The following AP1S3 variants were observed in gnomAD, a reference collection of about 807,000 sequenced individuals.
AP1S3 encodes the protein adaptor related protein complex 1 subunit sigma 3.
In AP1S3, 10 loss-of-function variants were observed where a neutral mutation model predicts 20.9. The ratio of observed to expected loss-of-function variants is 0.48; its 90% CI spans 0.29 to 0.81. The LOEUF (loss-of-function observed/expected upper bound fraction) is 0.81, where lower values mean the gene tolerates loss of function less well. AP1S3 is among the 30% of genes least tolerant of loss of function. The probability of loss-of-function intolerance (pLI) is 0.08; values close to 1 mark genes in which losing one functional copy is unlikely to be tolerated. For missense variants in AP1S3, 154 were observed against 183.8 expected, an observed-to-expected ratio of 0.84 and a Z score of 0.94; for synonymous variants, 41 against 61.5, an observed-to-expected ratio of 0.67 and a Z score of 1.56.
At chr2:223,765,658 C>T (rs1485502675) in intron 3 of AP1S3, among the ~76,000 whole-genome samples, 1 of 152,172 alleles carries the variant, frequency 6.6e-6, no homozygotes, top group Non-Finnish European at 1.5e-5. Context: ...AAACTGAGCC[C>T]CAGCTGCATT....
chr2:223,769,041 G>T (rs1690547867), intron 3 of AP1S3, among the ~76,000 whole-genome samples: 1 of 152,132 alleles, frequency 6.6e-6, no homozygotes, highest in African/African-American at 2.4e-5. Flanking sequence ...CAAGGAACAT[G>T]GTTTAAGTCA....
chr2:223,819,399 CTGTT>C (rs1037520237), intron 1 of AP1S3, among the ~76,000 whole-genome samples: 22 of 152,188 alleles, frequency 1.4e-4, no homozygotes, highest in South Asian at 4.1e-4. Context: ...AAAGCACACT[CTGTT>C]TGCTCACTTC....
chr2:223,832,129 TTC>T (rs67077486), intron 1 of AP1S3, among the ~76,000 whole-genome samples: 2,655 of 60,274 alleles, frequency 0.044, 137 homozygotes, highest in East Asian at 0.14. Context: ...TAAAGGAGTT[TTC>T]TCTCTGTGTG....
intron 1 of AP1S3, among the ~76,000 whole-genome samples, chr2:223,781,414 T>C (rs553419428): frequency 5.3e-5 from 8 of 152,118 alleles, no homozygotes; most frequent in African/African-American, 1.4e-4. Flanking sequence ...TTTTAGTATC[T>C]GTTTCACTAT....
intron 1 of AP1S3, among the ~76,000 whole-genome samples, chr2:223,819,231 ATT>A (rs759791141): frequency 3.9e-5 from 6 of 152,180 alleles, no homozygotes; most frequent in Non-Finnish European, 8.8e-5. Context: ...GTGCAGAGAG[ATT>A]TAACATCTTT....
intron 1 of AP1S3, among the ~76,000 whole-genome samples, chr2:223,804,021 T>C (rs781337299): frequency 3.3e-5 from 5 of 152,144 alleles, no homozygotes; most frequent in African/African-American, 1.2e-4. Context: ...TTAAGTAGAA[T>C]GTTGAATTAT....
At chr2:223,795,270 A>T (rs779808060) in intron 1 of AP1S3, among the ~76,000 whole-genome samples, 6 of 152,312 alleles carry the variant, frequency 3.9e-5, no homozygotes, top group Non-Finnish European at 7.4e-5. Context: ...AAAAAATTTT[A>T]AAAATTTATA....
intron 3 of AP1S3, among the ~76,000 whole-genome samples, chr2:223,774,821 G>A (rs538606835): frequency 9.5e-4 from 145 of 152,260 alleles, no homozygotes; most frequent in African/African-American, 3.1e-3. Flanking sequence ...AAGACAGAAC[G>A]GATTTTCAGT....
At chr2:223,760,446 C>G (rs1463708275) in intron 4 of AP1S3, among the ~76,000 whole-genome samples, 2 of 152,236 alleles carry the variant, frequency 1.3e-5, no homozygotes, top group Non-Finnish European at 2.9e-5. Flanking sequence ...TTCACCAACT[C>G]TATCTAGAAT....
chr2:223,767,933 C>T (rs1444011547), intron 3 of AP1S3, among the ~76,000 whole-genome samples: 1 of 152,132 alleles, frequency 6.6e-6, no homozygotes, highest in Non-Finnish European at 1.5e-5. Context: ...AGTCCCTACC[C>T]TTCCTGTCTT....
Position 223,764,352 on chromosome 2 carries a change from C to A in AP1S3, c.429+861G>T, listed in dbSNP as rs556941731. 1.8e-4 allele frequency among the ~76,000 whole-genome samples: 28 copies of A among 152,170 alleles called. No individual in the cohort carries two copies. In the East Asian group the frequency reaches 5.0e-3, roughly 27 times the overall value. ...AGGGGTGGCAGGTCTGGGATGGAACCCAGCCCCTCAGAGCATCTCATTTGG... is the reference window on the plus strand; with the variant it reads ...AGGGGTGGCAGGTCTGGGATGGAACACAGCCCCTCAGAGCATCTCATTTGG... On this transcript the variant is annotated intron_variant, in intron 4 of 4. Transcript: ENST00000396654.
rs550133314 is a variant in AP1S3 at position 223,811,295 on chromosome 2, C to T, written c.3+26153G>A. Among the ~76,000 whole-genome samples, 364 of 152,088 alleles carry T rather than the reference C, an allele frequency of 2.4e-3. 3 individuals carry two copies. Among genetic ancestry groups the T allele is most frequent in the African/African-American group, 7.6e-3 (314 of 41,514 alleles). ...TTTTAGTGAAATATCTGGCCAGGCA[C>T]GGTGGCTCATGCCTGTAATCCCAAC... On this transcript the variant is annotated intron_variant, in intron 1 of 4. Coordinates refer to ENST00000396654, the MANE Select transcript of AP1S3 (RefSeq NM_001039569.2).
intron 1 of AP1S3, among the ~76,000 whole-genome samples, chr2:223,827,802 G>C (rs1457211012): frequency 1.3e-5 from 2 of 151,048 alleles, no homozygotes; most frequent in South Asian, 2.1e-4. Context: ...GCTGGGCACT[G>C]TAATCCCATC....
chr2:223,763,510 C>T (rs902607220), intron 4 of AP1S3, among the ~76,000 whole-genome samples: 34 of 152,152 alleles, frequency 2.2e-4, no homozygotes, highest in Non-Finnish European at 1.0e-4. Flanking sequence ...ACCTCCACCC[C>T]CTCCACCTGC....
intron 1 of AP1S3, among the ~76,000 whole-genome samples, chr2:223,833,565 A>G (rs966836007): frequency 2.0e-5 from 3 of 152,212 alleles, no homozygotes; most frequent in Admixed American, 6.5e-5. Flanking sequence ...TTCTGTGTGT[A>G]AAGTACTAGG....
intron 1 of AP1S3, among the ~76,000 whole-genome samples, chr2:223,807,056 A>G (rs1440617905): frequency 6.6e-6 from 1 of 152,186 alleles, no homozygotes; most frequent in African/African-American, 2.4e-5. Context: ...GCTTGAGCCT[A>G]GGAGTTTGAG....
chr2:223,786,144 T>C (rs1028133242), intron 1 of AP1S3, among the ~76,000 whole-genome samples: 4 of 152,126 alleles, frequency 2.6e-5, no homozygotes, highest in African/African-American at 9.7e-5. Context: ...TCTTAAGAAA[T>C]GTAAGAACTG....
chr2:223,765,159 CCATCATCAT>C (rs10644138), intron 4 of AP1S3, 45 bp downstream of exon 4: 5 of 1,560,230 alleles, frequency 3.2e-6, no homozygotes, highest in South Asian at 1.2e-5. Flanking sequence ...ATTATTAACA[CCATCATCAT>C]CATCATCATC....
intron 1 of AP1S3, among the ~76,000 whole-genome samples, chr2:223,833,712 G>C (rs926301816): frequency 5.9e-5 from 9 of 152,166 alleles, no homozygotes; most frequent in African/African-American, 2.2e-4. Flanking sequence ...GCACTAGCGA[G>C]GGCCGCCAAT....
Sources: gnomAD v4.1 joint callset for allele counts (sites outside exome capture counted in the v4.1 genomes callset) on GRCh38, gnomAD v4.1.1 for gene constraint, MANE v1.5 for transcripts, NCBI Gene and HGNC (gene_info 2026-07-23, HGNC 2026-07-21) for gene names.